The following CACNA2D3 variants were observed in gnomAD, a reference collection of about 807,000 sequenced individuals.
The protein encoded by CACNA2D3 is calcium voltage-gated channel auxiliary subunit alpha2delta 3, also known as voltage-dependent calcium channel subunit alpha-2/delta-3.
In CACNA2D3, 60 loss-of-function variants were observed where a neutral mutation model predicts 160.6. The observed-to-expected ratio is 0.37, with a 90% CI of 0.30 to 0.46. The LOEUF (loss-of-function observed/expected upper bound fraction) is 0.46. Among genes scored for constraint, CACNA2D3 ranks in the 20% least tolerant of loss-of-function variants. The probability of loss-of-function intolerance (pLI) is 1.00; values close to 1 mark genes in which losing one functional copy is unlikely to be tolerated. For missense variants in CACNA2D3, 1,205 were observed against 1,365.0 expected (o/e 0.88, Z 1.85); for synonymous variants, 558 against 492.9 (o/e 1.13, Z -1.75).
chr3:54,271,906 T>C (rs1191544178), intron 2 of CACNA2D3, among the ~76,000 whole-genome samples: 1 of 152,236 alleles, frequency 6.6e-6, no homozygotes, highest in African/African-American at 2.4e-5. Context: ...GTGGAAAATA[T>C]AAAAGTTACT....
intron 12 of CACNA2D3, among the ~76,000 whole-genome samples, chr3:54,763,881 GTATATA>G (rs1702164684): frequency 2.1e-4 from 4 of 19,434 alleles, no homozygotes; most frequent in African/African-American, 8.5e-4. Flanking sequence ...GTATATATAT[GTATATA>G]TATGTATGTG....
At chr3:54,717,422 G>T (rs1701070304) in intron 11 of CACNA2D3, among the ~76,000 whole-genome samples, 1 of 152,202 alleles carries the variant, frequency 6.6e-6, no homozygotes. Context: ...CAAAGTAGTG[G>T]TAACAAAGAG....
chr3:54,568,256 T>C (rs920017999), intron 6 of CACNA2D3, among the ~76,000 whole-genome samples: 6 of 152,224 alleles, frequency 3.9e-5, no homozygotes, highest in African/African-American at 1.4e-4. Flanking sequence ...TGCACAATGA[T>C]TCAAATTCAC....
At chr3:54,709,523 G>A (rs1351906481) in intron 11 of CACNA2D3, among the ~76,000 whole-genome samples, 3 of 151,962 alleles carry the variant, frequency 2.0e-5, no homozygotes, top group Non-Finnish European at 4.4e-5. Flanking sequence ...ACCATGCTGG[G>A]CTAATTTTTA....
At chr3:54,794,339 C>A (rs1048807679) in intron 13 of CACNA2D3, among the ~76,000 whole-genome samples, 25 of 152,092 alleles carry the variant, frequency 1.6e-4, no homozygotes, top group Non-Finnish European at 2.9e-4. Flanking sequence ...GCAATGCCCC[C>A]CTTTCACACT....
intron 5 of CACNA2D3, among the ~76,000 whole-genome samples, chr3:54,514,265 T>C (rs1049210410): frequency 6.6e-6 from 1 of 152,180 alleles, no homozygotes; most frequent in Admixed American, 6.5e-5. Flanking sequence ...CCTGCAAACT[T>C]GCCATACCAA....
intron 2 of CACNA2D3, among the ~76,000 whole-genome samples, chr3:54,165,114 A>ATTTTTTTTTTTTTTTTTTTTTTTTTTTTT (rs397961895): frequency 1.7e-5 from 2 of 117,888 alleles, no homozygotes; most frequent in African/African-American, 3.1e-5. Context: ...TCTGAATCTC[A>ATTTTTTTTTTTTTTTTTTTTTTTTTTTTT]TTTTTTTTTT....
chr3:54,558,498 A>G (rs1171896008), intron 5 of CACNA2D3, among the ~76,000 whole-genome samples: 1 of 151,864 alleles, frequency 6.6e-6, no homozygotes, highest in East Asian at 1.9e-4. Context: ...TCACATGTGT[A>G]CAGATTATTT....
chr3:54,489,485 TTCAATC>T (rs1701072805), intron 4 of CACNA2D3, among the ~76,000 whole-genome samples: 1 of 152,240 alleles, frequency 6.6e-6, no homozygotes, highest in Admixed American at 6.5e-5. Context: ...TTTTATACAG[TTCAATC>T]TAATATTGTG....
intron 16 of CACNA2D3, among the ~76,000 whole-genome samples, chr3:54,846,037 G>C (rs767429684): frequency 1.3e-5 from 2 of 152,050 alleles, no homozygotes; most frequent in Non-Finnish European, 2.9e-5. Flanking sequence ...CACCTCCATT[G>C]ATAAAGTTCT....
chr3:55,026,222 A>G (rs1324174326), intron 35 of CACNA2D3, among the ~76,000 whole-genome samples: 1 of 152,188 alleles, frequency 6.6e-6, no homozygotes, highest in Non-Finnish European at 1.5e-5. Context: ...TGAGATGGCA[A>G]TTTGGCAGGT....
At chr3:54,881,832 G>A (rs971385997) in intron 21 of CACNA2D3, among the ~76,000 whole-genome samples, 1 of 152,226 alleles carries the variant, frequency 6.6e-6, no homozygotes, top group African/African-American at 2.4e-5. Context: ...GGCCATCCAT[G>A]GCGCCCTCAG....
chr3:54,392,075 A>C (rs1258485399), intron 4 of CACNA2D3, among the ~76,000 whole-genome samples: 1 of 152,242 alleles, frequency 6.6e-6, no homozygotes, highest in Non-Finnish European at 1.5e-5. Flanking sequence ...GTTTTAAAAA[A>C]TACTACCCTA....
intron 27 of CACNA2D3, among the ~76,000 whole-genome samples, chr3:54,928,710 C>T (rs896164877): frequency 1.3e-5 from 2 of 152,014 alleles, no homozygotes; most frequent in African/African-American, 4.8e-5. Context: ...ACACCCCACC[C>T]ACTCCCCAGC....
At chr3:54,517,857 C>T (rs1701579126) in intron 5 of CACNA2D3, among the ~76,000 whole-genome samples, 1 of 152,098 alleles carries the variant, frequency 6.6e-6, no homozygotes. Flanking sequence ...GCTTCCAGGG[C>T]TGTCTCATAG....
intron 2 of CACNA2D3, among the ~76,000 whole-genome samples, chr3:54,235,452 G>A (rs1024975449): frequency 1.1e-4 from 17 of 152,320 alleles, no homozygotes; most frequent in African/African-American, 3.8e-4. Context: ...GAGCAAAAGA[G>A]AGAGATGGGG....
chr3:54,883,815 C>CTCTCTCTCTCTT (rs1428502988), intron 21 of CACNA2D3, among the ~76,000 whole-genome samples: 3 of 142,582 alleles, frequency 2.1e-5, no homozygotes, highest in African/African-American at 7.9e-5. Flanking sequence ...CTCTCTCTCT[C>CTCTCTCTCTCTT]TCTCTCTCCT....
intron 13 of CACNA2D3, among the ~76,000 whole-genome samples, chr3:54,798,191 G>T (rs17766545): frequency 0.074 from 11,276 of 152,216 alleles, 511 homozygotes; most frequent in South Asian, 0.15. Context: ...TACCAAGAAT[G>T]TTAAAGCTAT....
At chr3:54,204,904 A>ATAT (rs1271990482) in intron 2 of CACNA2D3, among the ~76,000 whole-genome samples, 1 of 152,068 alleles carries the variant, frequency 6.6e-6, no homozygotes, top group East Asian at 1.9e-4. Flanking sequence ...ATGAAAGAAT[A>ATAT]TATTGCAGGT....
Sources: allele counts gnomAD v4.1 joint callset (sites outside exome capture counted in the v4.1 genomes callset), GRCh38; gene constraint gnomAD v4.1.1; transcripts MANE v1.5; gene names NCBI Gene and HGNC (gene_info 2026-07-23, HGNC 2026-07-21).